Variants in SLC4A4 observed in about 807,000 individuals in gnomAD.
The protein encoded by SLC4A4 is electrogenic sodium bicarbonate cotransporter 1.
Under a neutral mutation model 111.5 loss-of-function variants are expected in SLC4A4, and 27 were observed. The observed-to-expected ratio is 0.24, with a 90% CI of 0.18 to 0.33. SLC4A4 has a LOEUF of 0.33. SLC4A4 is among the 10% of genes least tolerant of loss of function. The pLI, the probability that SLC4A4 is intolerant of heterozygous loss-of-function variation, is 1.00. For synonymous variants in SLC4A4, 443 were observed against 463.4 expected (o/e 0.96, Z 0.57); for missense variants, 909 against 1,315.5 (o/e 0.69, Z 4.78).
intron 1 of SLC4A4, among the ~76,000 whole-genome samples, chr4:71,202,709 A>G (rs1353045581): frequency 2.6e-5 from 4 of 152,160 alleles, no homozygotes; most frequent in Non-Finnish European, 5.9e-5. Context: ...CTTATTCTCC[A>G]TTTCTTTTAA....
chr4:71,087,127 G>T (rs575980411), intron 1 of SLC4A4, among the ~76,000 whole-genome samples: 3 of 152,162 alleles, frequency 2.0e-5, no homozygotes, highest in South Asian at 2.1e-4. Context: ...TCCTGGTTTA[G>T]TCTTGGGAGG....
intron 4 of SLC4A4, among the ~76,000 whole-genome samples, chr4:71,346,525 G>GT (rs201899572): frequency 0.012 from 1,708 of 142,512 alleles, 32 homozygotes; most frequent in African/African-American, 0.035. Flanking sequence ...TAAAAAGTCT[G>GT]TTTTTTTTTT....
rs78680645 is a variant in SLC4A4 at position 71,540,292 on chromosome 4, C to A, written c.2442+5904C>A. Among the ~76,000 whole-genome samples, 839 of 152,244 alleles carry A rather than the reference C, an allele frequency of 5.5e-3. 2 individuals are homozygous for A. Among genetic ancestry groups the A allele is most frequent in the Non-Finnish European group, 8.6e-3 (588 of 68,010 alleles). On this transcript the variant is annotated intron_variant, in intron 18 of 25. Coordinates refer to ENST00000264485, the MANE Select transcript of SLC4A4 (RefSeq NM_001098484.3). Reference sequence around the variant, plus strand: ...CCTCTCCTTTGTTATCAACTATGTACCACATGTAAACTTTAGGCCGCTGGG... The same window carrying A: ...CCTCTCCTTTGTTATCAACTATGTAACACATGTAAACTTTAGGCCGCTGGG...
chr4:71,540,935 G>A (rs890973934), intron 18 of SLC4A4, among the ~76,000 whole-genome samples: 1 of 152,086 alleles, frequency 6.6e-6, no homozygotes, highest in East Asian at 1.9e-4. Flanking sequence ...AGTTAACGGG[G>A]CCAGGTCACA....
chr4:71,384,150 G>C (rs549817763), intron 6 of SLC4A4, among the ~76,000 whole-genome samples: 52 of 152,286 alleles, frequency 3.4e-4, no homozygotes, highest in African/African-American at 1.1e-3. Flanking sequence ...AGGATCACTT[G>C]AGGTCCTGAA....
chr4:71,118,257 A>G (rs1578496646), intron 2 of SLC4A4, among the ~76,000 whole-genome samples: 1 of 152,034 alleles, frequency 6.6e-6, no homozygotes, highest in East Asian at 1.9e-4. Flanking sequence ...CTCTATTTCT[A>G]TTTTTTAGTG....
chr4:71,547,876 T>C (rs1735670395), intron 20 of SLC4A4, among the ~76,000 whole-genome samples, 156 bp downstream of exon 20: 1 of 151,904 alleles, frequency 6.6e-6, no homozygotes, highest in Non-Finnish European at 1.5e-5. Context: ...TTTAAATAGC[T>C]TTTGTCTTGA....
rs1560515253 is a variant in SLC4A4, at chr4:71,445,741, G to A, written c.966-1905G>A. Among the ~76,000 whole-genome samples, 3 of 152,132 alleles carry A rather than the reference G, an allele frequency of 2.0e-5. No individual in the cohort carries two copies. The South Asian group carries it at 6.2e-4, about 32-fold the overall frequency. On this transcript the variant is annotated intron_variant, in intron 8 of 25. Transcript: ENST00000264485. ...ACTTATGTTTCTCAATGGGATTAAA[G>A]CATTATTTTGCTTTAATCATTAAAT...
intron 1 of SLC4A4, among the ~76,000 whole-genome samples, chr4:71,190,844 C>G (rs1280525678): frequency 1.3e-5 from 2 of 152,046 alleles, no homozygotes; most frequent in African/African-American, 4.8e-5. Context: ...CCTAATGATG[C>G]CAATAATTTT....
At chr4:71,073,763 A>C (rs1741730520) in intron 1 of SLC4A4, among the ~76,000 whole-genome samples, 1 of 152,260 alleles carries the variant, frequency 6.6e-6, no homozygotes, top group East Asian at 1.9e-4. Flanking sequence ...CTGTATAAAT[A>C]CTTGATGGAT....
intron 2 of SLC4A4, among the ~76,000 whole-genome samples, chr4:71,179,227 G>T (rs1745201612): frequency 6.6e-6 from 1 of 152,126 alleles, no homozygotes; most frequent in Non-Finnish European, 1.5e-5. Flanking sequence ...AGCTATCTAT[G>T]ACAAACCCAC....
At chr4:71,250,393 A>G (rs994061585) in intron 2 of SLC4A4, among the ~76,000 whole-genome samples, 1 of 152,244 alleles carries the variant, frequency 6.6e-6, no homozygotes, top group Admixed American at 6.5e-5. Context: ...TGTGGCTATA[A>G]ATCAAATCTG....
At chr4:71,173,151 G>C (rs1400605723) in intron 2 of SLC4A4, among the ~76,000 whole-genome samples, 1 of 152,200 alleles carries the variant, frequency 6.6e-6, no homozygotes, top group Admixed American at 6.5e-5. Flanking sequence ...AAACTCTCAT[G>C]TGAGATAGCT....
chr4:71,422,672 G>C (rs1384717579), intron 7 of SLC4A4, among the ~76,000 whole-genome samples: 1 of 151,502 alleles, frequency 6.6e-6, no homozygotes, highest in Non-Finnish European at 1.5e-5. Context: ...GGGATGCATG[G>C]CTGGTTCAAT....
At chr4:71,300,576 A>G (rs1725163515) in intron 3 of SLC4A4, 1 of 280,194 alleles carries the variant, frequency 3.6e-6, no homozygotes, top group Non-Finnish European at 7.3e-6. Context: ...AGAGGAAGAC[A>G]TTCTGAAGTG....
intron 6 of SLC4A4, among the ~76,000 whole-genome samples, chr4:71,385,191 ATTTTTTTT>A (rs1157788396): frequency 8.4e-5 from 1 of 11,902 alleles, no homozygotes; most frequent in Admixed American, 2.3e-3. Context: ...ATATATATAT[ATTTTTTTT>A]TTTTTTTTTT....
Position 71,453,657 on chromosome 4 carries a change from T to C in SLC4A4, c.1485T>C (p.Thr495=), listed in dbSNP as rs375765213. 1 of 1,613,876 alleles carries C rather than the reference T, an allele frequency of 6.2e-7. No individual in the cohort carries two copies. Among genetic ancestry groups the C allele is most frequent in the South Asian group, 1.1e-5 (1 of 91,080 alleles). ...TTGGAGGACTGCTTGGGGATGCCACTGACAACATGCAGGTGGGTATGGTTT... is the reference window on the plus strand; with the variant it reads ...TTGGAGGACTGCTTGGGGATGCCACCGACAACATGCAGGTGGGTATGGTTT... ...ITFGGLLGDA[T]DNMQGVLESF... The change falls in exon 12 of 26, where the codon ACT becomes ACC. Residue 495 remains threonine (T), a synonymous_variant. Coordinates refer to ENST00000264485, the MANE Select transcript of SLC4A4 (RefSeq NM_001098484.3).
At chr4:71,165,822 C>G (rs546556048) in intron 2 of SLC4A4, among the ~76,000 whole-genome samples, 1 of 151,958 alleles carries the variant, frequency 6.6e-6, no homozygotes, top group South Asian at 2.1e-4. Flanking sequence ...TATATGGCAG[C>G]TGGAACATTC....
intron 8 of SLC4A4, among the ~76,000 whole-genome samples, chr4:71,445,254 A>C (rs960481862): frequency 1.3e-5 from 2 of 152,142 alleles, no homozygotes; most frequent in East Asian, 3.9e-4. Flanking sequence ...CCATTACTCT[A>C]TCAGCTATTG....
Sources: gnomAD v4.1 joint callset for allele counts (sites outside exome capture counted in the v4.1 genomes callset) on GRCh38, gnomAD v4.1.1 for gene constraint, MANE v1.5 for transcripts, NCBI Gene and HGNC (gene_info 2026-07-23, HGNC 2026-07-21) for gene names.